Variants in TTLL11 observed in about 807,000 individuals in gnomAD.
The protein encoded by TTLL11 is tubulin tyrosine ligase like 11.
Under a neutral mutation model 51.7 loss-of-function variants are expected in TTLL11, and 42 were observed. That is an observed-to-expected ratio of 0.81 (90% confidence interval 0.64 to 1.05). The LOEUF (loss-of-function observed/expected upper bound fraction) is 1.05. Ranked by LOEUF, TTLL11 falls within the 50% of genes least tolerant of loss-of-function variation. The pLI is 0.00. For missense variants in TTLL11, 799 were observed against 940.4 expected (o/e 0.85, Z 1.97); for synonymous variants, 381 against 383.5 (o/e 0.99, Z 0.08).
At chr9:121,936,227 G>C (rs1461764664) in intron 6 of TTLL11, among the ~76,000 whole-genome samples, 1 of 151,702 alleles carries the variant, frequency 6.6e-6, no homozygotes, top group Non-Finnish European at 1.5e-5. Context: ...GCTGACAAGA[G>C]TCCATATAAT....
intron 1 of TTLL11, among the ~76,000 whole-genome samples, chr9:122,049,863 C>A (rs1845111668): frequency 6.6e-6 from 1 of 152,146 alleles, no homozygotes; most frequent in Non-Finnish European, 1.5e-5. Flanking sequence ...TCTCTATGAA[C>A]AGAAAGCATT....
intron 1 of TTLL11, among the ~76,000 whole-genome samples, chr9:122,062,202 CTG>C (rs1327390776): frequency 6.6e-6 from 1 of 152,138 alleles, no homozygotes; most frequent in Non-Finnish European, 1.5e-5. Context: ...TCTTACAAAA[CTG>C]TGACACTGCA....
intron 6 of TTLL11, among the ~76,000 whole-genome samples, chr9:121,897,198 G>A (rs147981072): frequency 6.6e-6 from 1 of 152,154 alleles, no homozygotes; most frequent in East Asian, 1.9e-4. Context: ...TTCCAGTTAT[G>A]AAAAAATAAA....
intron 1 of TTLL11, among the ~76,000 whole-genome samples, chr9:122,086,974 C>A (rs996041861): frequency 7.2e-5 from 11 of 152,190 alleles, no homozygotes; most frequent in African/African-American, 2.7e-4. Flanking sequence ...AGAATAACTC[C>A]TTGCAGAATG....
intron 1 of TTLL11, among the ~76,000 whole-genome samples, chr9:122,076,252 G>A (rs903275277): frequency 6.6e-6 from 1 of 152,260 alleles, no homozygotes; most frequent in East Asian, 1.9e-4. Context: ...TCCTCCATAA[G>A]GCAACCAGAG....
chr9:122,052,148 A>G (rs1845179053), intron 1 of TTLL11, among the ~76,000 whole-genome samples: 1 of 152,178 alleles, frequency 6.6e-6, no homozygotes, highest in Non-Finnish European at 1.5e-5. Flanking sequence ...TGAGCACATC[A>G]AAAGAAGGCA....
chr9:121,985,976 G>A (rs1282382871), intron 4 of TTLL11, among the ~76,000 whole-genome samples: 1 of 152,202 alleles, frequency 6.6e-6, no homozygotes, highest in African/African-American at 2.4e-5. Flanking sequence ...GATTTACAGA[G>A]AAAGAAGCAG....
chr9:121,821,533 G>A lies in TTLL11; in HGVS notation c.*1054C>T, dbSNP rs1836577931. On this transcript the variant is annotated 3_prime_UTR_variant, in exon 9 of 9. Coordinates refer to ENST00000321582, the MANE Select transcript of TTLL11 (RefSeq NM_001139442.2). The surrounding 1 kb of genome is among the most constrained non-coding windows in gnomAD (Gnocchi z 5.0). ...TGCCTGCCTGTCTTCAATAGGCCCT[G>A]GACCTTGGCATGCCCAAGGCTGTTT... Among the ~76,000 whole-genome samples the A allele has an allele frequency of 6.6e-6, 1 of 152,112 alleles. No individual in the cohort carries two copies. Among genetic ancestry groups the A allele is most frequent in the Non-Finnish European group, 1.5e-5 (1 of 68,016 alleles).
At chr9:122,072,545 G>A (rs1288071843) in intron 1 of TTLL11, among the ~76,000 whole-genome samples, 1 of 152,204 alleles carries the variant, frequency 6.6e-6, no homozygotes. Flanking sequence ...TCGGGAGGCT[G>A]AGGCAGGCGA....
chr9:121,981,762 T>A (rs1224586808), intron 4 of TTLL11, among the ~76,000 whole-genome samples: 1 of 152,198 alleles, frequency 6.6e-6, no homozygotes, highest in Non-Finnish European at 1.5e-5. Context: ...GGGTCTAGAG[T>A]AACCTTCATC....
chr9:121,838,041 T>C (rs1411482435), intron 8 of TTLL11, among the ~76,000 whole-genome samples: 1 of 152,214 alleles, frequency 6.6e-6, no homozygotes, highest in Non-Finnish European at 1.5e-5. Flanking sequence ...ATTCCCCAGG[T>C]TGAAATACCT....
Position 121,860,411 on chromosome 9 carries a change from A to G in TTLL11, c.1766T>C (p.Met589Thr). ...AATGTAGAGGATGTCCACGGCAGCC[A>G]TGGACAGGCTGCTGCTGCTGAGTTT... ...SCKLSSSSLSMAAVDILYIDI... is the reference protein window; with the variant it reads ...SCKLSSSSLSTAAVDILYIDI... The change falls in exon 8 of 9, where the codon ATG becomes ACG. Residue 589 changes from methionine (M) to threonine (T), a missense_variant. Transcript: ENST00000321582. The G allele has an allele frequency of 6.4e-7, 1 of 1,551,422 alleles. No individual in the cohort carries two copies. The highest frequency in any genetic ancestry group is 8.7e-7 in the Non-Finnish European group (1 of 1,146,960).
chr9:121,941,008 G>A (rs1197306124), intron 6 of TTLL11, among the ~76,000 whole-genome samples: 1 of 152,124 alleles, frequency 6.6e-6, no homozygotes, highest in African/African-American at 2.4e-5. Context: ...TCACAATGTC[G>A]AAAACTAACA....
At chr9:121,823,996 A>G (rs10818599) in intron 8 of TTLL11, among the ~76,000 whole-genome samples, 101,537 of 151,936 alleles carry the variant, frequency 0.67, 34,911 homozygotes, top group African/African-American at 0.83. Context: ...CTCTGTGTCT[A>G]TCTGTCTGTG....
intron 8 of TTLL11, among the ~76,000 whole-genome samples, chr9:121,852,630 G>A (rs889054022): frequency 6.6e-6 from 1 of 152,164 alleles, no homozygotes; most frequent in Non-Finnish European, 1.5e-5. Flanking sequence ...GGAAGGACAG[G>A]CACTCGCCCG....
At chr9:122,044,185 A>G (rs1042925496) in intron 1 of TTLL11, among the ~76,000 whole-genome samples, 8 of 152,180 alleles carry the variant, frequency 5.3e-5, no homozygotes, top group African/African-American at 1.4e-4. Flanking sequence ...AAAGGACATG[A>G]ACTCATCCTT....
intron 6 of TTLL11, among the ~76,000 whole-genome samples, chr9:121,883,639 A>G (rs999732136): frequency 6.6e-6 from 1 of 152,234 alleles, no homozygotes; most frequent in African/African-American, 2.4e-5. Context: ...CCCTGAACAT[A>G]GAGTTGTTGT....
chr9:122,011,734 G>C (rs1190508663), intron 3 of TTLL11, among the ~76,000 whole-genome samples: 4 of 152,122 alleles, frequency 2.6e-5, no homozygotes, highest in Non-Finnish European at 4.4e-5. Flanking sequence ...AGGATATGTA[G>C]AAATTATTTG....
intron 6 of TTLL11, among the ~76,000 whole-genome samples, chr9:121,886,802 C>T (rs897779616): frequency 2.6e-5 from 4 of 152,174 alleles, no homozygotes; most frequent in African/African-American, 4.8e-5. Flanking sequence ...GCTAGCTGAA[C>T]AGCACTAAAA....
Sources: allele counts gnomAD v4.1 joint callset (sites outside exome capture counted in the v4.1 genomes callset), GRCh38; gene constraint gnomAD v4.1.1; non-coding constraint Gnocchi (gnomAD v3.1); transcripts MANE v1.5; gene names NCBI Gene and HGNC (gene_info 2026-07-23, HGNC 2026-07-21).